SPC25: variants seen among roughly 807,000 people sequenced by gnomAD.
SPC25 encodes kinetochore protein Spc25.
In SPC25, 22 loss-of-function variants were observed where a neutral mutation model predicts 29.6. The ratio of observed to expected loss-of-function variants is 0.74; its 90% CI spans 0.53 to 1.06. SPC25 has a LOEUF of 1.06. Among genes scored for constraint, SPC25 ranks in the 50% least tolerant of loss-of-function variants. The probability of loss-of-function intolerance (pLI) is 0.00; values close to 1 mark genes in which losing one functional copy is unlikely to be tolerated. For missense variants in SPC25, 230 were observed against 255.8 expected (o/e 0.90, Z 0.69); for synonymous variants, 91 against 90.4 (o/e 1.01, Z -0.04).
chr2:168,889,056 T>TACATATATATAC (rs1559158758), intron 3 of SPC25, among the ~76,000 whole-genome samples, 170 bp downstream of exon 3: 1 of 100,560 alleles, frequency 9.9e-6, no homozygotes, highest in Non-Finnish European at 1.9e-5. Flanking sequence ...CACATATATA[T>TACATATATATAC]ACATATATAT....
At chr2:168,888,283 C>T (rs1461889939) in intron 3 of SPC25, among the ~76,000 whole-genome samples, 1 of 151,316 alleles carries the variant, frequency 6.6e-6, no homozygotes, top group African/African-American at 2.4e-5. Context: ...TCACCAGGCA[C>T]GGTGGCTCAC....
rs377691057 is a variant in SPC25, at chr2:168,876,168, T to A, written c.355A>T (p.Thr119Ser). The A allele has an allele frequency of 1.9e-6, 3 of 1,555,910 alleles. No individual in the cohort carries two copies. The highest frequency in any genetic ancestry group is 2.6e-6 in the Non-Finnish European group (3 of 1,159,004). The stretch of plus-strand genomic sequence containing the variant: ...CTCTCTGCATTCGCTTTATTAGCAG[T>A]AGAAATAGCTGATTAAAAAACACAC... ...EYSRKKETIS[T>S]ANKANAERLK... The change falls in exon 5 of 7, where the codon ACT (threonine) becomes TCT (serine). Residue 119 changes from threonine (T) to serine (S), a missense_variant. Thr to Ser is a moderately conservative substitution (Grantham distance 58). Coordinates refer to ENST00000282074, the MANE Select transcript of SPC25 (RefSeq NM_020675.4).
At chr2:168,890,081 C>T (rs1269813222) in intron 1 of SPC25, among the ~76,000 whole-genome samples, 1 of 152,130 alleles carries the variant, frequency 6.6e-6, no homozygotes, top group Non-Finnish European at 1.5e-5. Flanking sequence ...ATCCTGGACC[C>T]ACCAGTACTC....
intron 4 of SPC25, chr2:168,862,026 A>T: frequency 6.2e-7 from 1 of 1,614,184 alleles, no homozygotes; most frequent in Admixed American, 1.7e-5. Context: ...GCCAGGCAAG[A>T]TGATGAGTTG....
At chr2:168,889,004 CATATATGTATATATAT>C (rs1393904245) in intron 3 of SPC25, among the ~76,000 whole-genome samples, 2 of 70,246 alleles carry the variant, frequency 2.8e-5, no homozygotes, top group Admixed American at 2.9e-4. Context: ...TATATATACA[CATATATGTATATATAT>C]ACACATATAT....
intron 6 of SPC25, 27 bp downstream of exon 6, chr2:168,873,558 T>C (rs766918258): frequency 4.0e-5 from 60 of 1,496,598 alleles, no homozygotes; most frequent in Non-Finnish European, 5.3e-5. Context: ...CAATCTTAAA[T>C]ACCAGTTAGG....
intron 3 of SPC25, among the ~76,000 whole-genome samples, chr2:168,882,783 T>C (rs140938882): frequency 1.2e-3 from 183 of 152,150 alleles, no homozygotes; most frequent in African/African-American, 4.2e-3. Flanking sequence ...GATAAACAGA[T>C]GAAACACAGA....
intron 5 of SPC25, among the ~76,000 whole-genome samples, chr2:168,874,987 G>A (rs941913412): frequency 6.6e-6 from 1 of 152,116 alleles, no homozygotes; most frequent in Non-Finnish European, 1.5e-5. Flanking sequence ...GTGATCTTGG[G>A]AAGCCCAGAC....
chr2:168,883,689 T>A (rs1475812216), intron 3 of SPC25, among the ~76,000 whole-genome samples: 1 of 151,982 alleles, frequency 6.6e-6, no homozygotes, highest in Admixed American at 6.6e-5. Flanking sequence ...CATATGAGAG[T>A]GTTTTTATTA....
chr2:168,868,067 A>T (rs1419851375), downstream of SPC25, among the ~76,000 whole-genome samples: 1 of 152,282 alleles, frequency 6.6e-6, no homozygotes, highest in African/African-American at 2.4e-5. Context: ...AAACCACTCA[A>T]CTACATGGAA....
At chr2:168,868,476 AAAAG>A (rs1179152392), downstream of SPC25, among the ~76,000 whole-genome samples, 1 of 152,206 alleles carries the variant, frequency 6.6e-6, no homozygotes, top group African/African-American at 2.4e-5. Context: ...AATTAAGAAG[AAAAG>A]AGAGAAGAAT....
At chr2:168,863,886 A>G (rs947555578) in intron 4 of SPC25, among the ~76,000 whole-genome samples, 1 of 152,134 alleles carries the variant, frequency 6.6e-6, no homozygotes, top group Admixed American at 6.5e-5. Context: ...CAGGCAGCAT[A>G]AGGATATATG....
downstream of SPC25, among the ~76,000 whole-genome samples, chr2:168,866,763 C>T (rs966845161): frequency 8.1e-6 from 1 of 123,522 alleles, no homozygotes; most frequent in African/African-American, 3.3e-5. Flanking sequence ...CTACAACGAA[C>T]TCAAACAAAT....
In SPC25 at chr2:168,889,298, G is replaced by C. The variant is rs374403532; in HGVS notation, c.134-7C>G. Reference sequence around the variant, plus strand: ...AATTTCACAGACAGCTTTTCTGAAAGAGAAATTGAACTTTCAATTCAGCTG... The same window carrying C: ...AATTTCACAGACAGCTTTTCTGAAACAGAAATTGAACTTTCAATTCAGCTG... On this transcript the variant is annotated splice_region_variant and splice_polypyrimidine_tract_variant and intron_variant, in intron 2 of 6. Coordinates refer to ENST00000282074, the MANE Select transcript of SPC25 (RefSeq NM_020675.4). The C allele has an allele frequency of 6.2e-7, 1 of 1,613,508 alleles. No homozygotes were observed. The highest frequency in any genetic ancestry group is 1.7e-5 in the Admixed American group (1 of 59,946).
downstream of SPC25, among the ~76,000 whole-genome samples, chr2:168,869,870 T>G (rs1249629301): frequency 6.6e-6 from 1 of 151,800 alleles, no homozygotes. Context: ...AAAGTTCATA[T>G]GGAACCAAAA....
downstream of SPC25, among the ~76,000 whole-genome samples, chr2:168,869,794 T>C (rs1355777691): frequency 6.6e-6 from 1 of 152,158 alleles, no homozygotes; most frequent in Non-Finnish European, 1.5e-5. Context: ...AGGTAATTTA[T>C]AGATTCAATG....
chr2:168,882,226 C>A (rs903136898), intron 3 of SPC25, among the ~76,000 whole-genome samples: 5 of 152,182 alleles, frequency 3.3e-5, no homozygotes, highest in Non-Finnish European at 7.3e-5. Context: ...AAAATAAATT[C>A]TTTAGTCTTT....
At chr2:168,888,467 G>A (rs1016119359) in intron 3 of SPC25, among the ~76,000 whole-genome samples, 7 of 151,764 alleles carry the variant, frequency 4.6e-5, no homozygotes, top group South Asian at 2.1e-4. Flanking sequence ...AGGCAGGAGA[G>A]TGGCGTGAAC....
chr2:168,869,605 C>A (rs1242031910), downstream of SPC25, among the ~76,000 whole-genome samples: 2 of 152,108 alleles, frequency 1.3e-5, no homozygotes, highest in African/African-American at 4.8e-5. Flanking sequence ...CTCCCATTCA[C>A]AATTGCTTCA....
Sources: allele counts gnomAD v4.1 joint callset (sites outside exome capture counted in the v4.1 genomes callset), GRCh38; gene constraint gnomAD v4.1.1; transcripts MANE v1.5; gene names NCBI Gene and HGNC (gene_info 2026-07-23, HGNC 2026-07-21).